GPC6: variants seen among roughly 807,000 people sequenced by gnomAD.
The protein encoded by GPC6 is glypican 6, also known as glypican-6.
GPC6 carries 14 observed loss-of-function variants against 55.2 expected under a neutral mutation model. The ratio of observed to expected loss-of-function variants is 0.25; its 90% CI spans 0.17 to 0.40. The LOEUF (loss-of-function observed/expected upper bound fraction) is 0.40. Among genes scored for constraint, GPC6 ranks in the 10% least tolerant of loss-of-function variants. The probability of loss-of-function intolerance (pLI) is 1.00; values close to 1 mark genes in which losing one functional copy is unlikely to be tolerated. For synonymous variants in GPC6, 278 were observed against 259.6 expected (o/e 1.07, Z -0.68); for missense variants, 641 against 708.5 (o/e 0.90, Z 1.08).
At chr13:94,024,253 T>G (rs1313764835) in intron 3 of GPC6, among the ~76,000 whole-genome samples, 3 of 152,084 alleles carry the variant, frequency 2.0e-5, no homozygotes, top group African/African-American at 7.2e-5. Flanking sequence ...ATGTCACTAT[T>G]GAGGCAAGTT....
chr13:94,089,514 C>T (rs1885405164), intron 4 of GPC6, among the ~76,000 whole-genome samples: 2 of 152,104 alleles, frequency 1.3e-5, no homozygotes, highest in Non-Finnish European at 2.9e-5. Context: ...TTCTGAGATA[C>T]CTGGACAAAG....
intron 4 of GPC6, among the ~76,000 whole-genome samples, chr13:94,232,696 T>G (rs1057111545): frequency 2.0e-5 from 3 of 152,258 alleles, no homozygotes; most frequent in African/African-American, 4.8e-5. Flanking sequence ...TTTTTTTAGA[T>G]TCTGTAATGG....
At chr13:93,881,952 A>T (rs1337101230) in intron 3 of GPC6, among the ~76,000 whole-genome samples, 2 of 151,972 alleles carry the variant, frequency 1.3e-5, no homozygotes, top group African/African-American at 2.4e-5. Context: ...AAATTAACCG[A>T]GGAGAGTATG....
intron 4 of GPC6, among the ~76,000 whole-genome samples, chr13:94,112,529 A>G (rs767842547): frequency 6.6e-6 from 1 of 152,178 alleles, no homozygotes; most frequent in African/African-American, 2.4e-5. Context: ...TTTGGGTCCA[A>G]GTTCCCTTTC....
intron 6 of GPC6, among the ~76,000 whole-genome samples, chr13:94,354,474 T>C (rs1413414547): frequency 6.6e-6 from 1 of 152,202 alleles, no homozygotes; most frequent in Non-Finnish European, 1.5e-5. Context: ...AGTGCTTATT[T>C]GTGTGATAGG....
Position 94,306,032 on chromosome 13 carries a change from G to A in GPC6, c.1061G>A (p.Arg354His), listed in dbSNP as rs765293019. 6.8e-6 allele frequency: 11 copies of A among 1,613,910 alleles called. No individual in the cohort carries two copies. The highest frequency in any genetic ancestry group is 5.3e-5 in the African/African-American group (4 of 74,906). ...PKPAPALRSARSAPENFNTRF... is the reference protein window; with the variant it reads ...PKPAPALRSAHSAPENFNTRF... ...CCTGCTCCAGCCCTCAGATCTGCCC[G>A]CTCAGCTCCTGAAAATTTTAATACA... Residue 354 changes from arginine (R) to histidine (H), a missense_variant, in exon 6 of 9, where the codon CGC becomes CAC. Arg to His is a conservative substitution (Grantham distance 29). Transcript: ENST00000377047.
intron 4 of GPC6, among the ~76,000 whole-genome samples, chr13:94,136,257 C>T (rs767177941): frequency 3.1e-4 from 46 of 150,640 alleles, no homozygotes; most frequent in Non-Finnish European, 5.5e-4. Flanking sequence ...ATTACTGGAC[C>T]GACTTCTGTG....
intron 4 of GPC6, among the ~76,000 whole-genome samples, chr13:94,162,674 T>A (rs1351069657): frequency 6.6e-6 from 1 of 152,166 alleles, no homozygotes; most frequent in Admixed American, 6.6e-5. Context: ...TACTTGGATG[T>A]TAGGAAACTT....
At position 94,091,908 on chromosome 13, in the gene GPC6, T is replaced by TGTGTGTG. The variant is rs1885495090; in HGVS notation, c.877+64014_877+64015insGTGTGTG. Among the ~76,000 whole-genome samples the TGTGTGTG allele has an allele frequency of 2.7e-5, 4 of 148,508 alleles. No individual in the cohort carries two copies. The East Asian group carries it at 8.0e-4, about 30-fold the overall frequency. ...GAGATCAAATTCTGTGTGTGTGTGT[T>TGTGTGTG]TGTGTGTGTGTGTGTGTGTGTGTGT... is the stretch of plus-strand genomic sequence containing the variant. On this transcript the variant is annotated intron_variant, in intron 4 of 8. Transcript: ENST00000377047.
At position 93,506,927 on chromosome 13, in the gene GPC6, G is replaced by A. The variant is rs971773922; in HGVS notation, c.161-38336G>A. 4.0e-5 allele frequency among the ~76,000 whole-genome samples: 6 copies of A among 150,868 alleles called. No homozygotes were observed. The East Asian group carries it at 5.9e-4, about 15-fold the overall frequency. ...AAAAAAAAAATTAGCCGGGCGTGGC[G>A]GCGGGCGCCTGTAGTCCCAGCTACT... On this transcript the variant is annotated intron_variant, in intron 1 of 8. Transcript: ENST00000377047.
intron 3 of GPC6, among the ~76,000 whole-genome samples, chr13:93,884,684 T>C (rs1408482828): frequency 6.6e-6 from 1 of 152,128 alleles, no homozygotes; most frequent in Admixed American, 6.6e-5. Context: ...TTTACAAATA[T>C]AGCTGGATTT....
At chr13:93,271,086 G>GCAAGCCTGGT (rs1027852836) in intron 1 of GPC6, among the ~76,000 whole-genome samples, 2 of 152,164 alleles carry the variant, frequency 1.3e-5, no homozygotes, top group African/African-American at 4.8e-5. Context: ...TGTTTGTGTT[G>GCAAGCCTGGT]CAAGCCTGGT....
Position 93,368,309 on chromosome 13 carries a change from C to T in GPC6, c.160+140693C>T, listed in dbSNP as rs374122128. ...CCTCCCTCCCTCCCTCTCTCCTTCC[C>T]TCCTTCCCTCCTTCCCTCCCTCCCT... On this transcript the variant is annotated intron_variant, in intron 1 of 8. Transcript: ENST00000377047. 7.8e-5 allele frequency among the ~76,000 whole-genome samples: 11 copies of T among 140,754 alleles called. 1 individual carries two copies. The East Asian group carries it at 1.3e-3, about 16-fold the overall frequency. The allele number at this position is 140,754 out of a possible 152,430, so 92.3% of individuals were successfully genotyped here. A position where few individuals can be genotyped will look rare whatever the true frequency, so the allele number is the denominator to read the frequency against.
intron 4 of GPC6, among the ~76,000 whole-genome samples, chr13:94,118,975 T>C (rs1286429219): frequency 1.3e-5 from 2 of 149,644 alleles, no homozygotes; most frequent in Non-Finnish European, 3.0e-5. Flanking sequence ...TTCAAATTCC[T>C]GGCCTGTATA....
At chr13:94,378,497 T>C (rs1594223187) in intron 6 of GPC6, among the ~76,000 whole-genome samples, 1 of 152,194 alleles carries the variant, frequency 6.6e-6, no homozygotes, top group African/African-American at 2.4e-5. Context: ...TAATGGTAGG[T>C]ATGAGAAGGA....
chr13:93,328,387 C>T (rs1879728104), intron 1 of GPC6, among the ~76,000 whole-genome samples: 1 of 152,108 alleles, frequency 6.6e-6, no homozygotes, highest in Non-Finnish European at 1.5e-5. Flanking sequence ...AAAAATGTCA[C>T]TCAGGGCTGG....
intron 1 of GPC6, among the ~76,000 whole-genome samples, chr13:93,296,478 C>T (rs1423881883): frequency 3.3e-5 from 5 of 152,124 alleles, no homozygotes; most frequent in Non-Finnish European, 5.9e-5. Context: ...CGTAATTACT[C>T]ACCCATGCCT....
intron 1 of GPC6, among the ~76,000 whole-genome samples, chr13:93,246,220 T>C (rs2139021846): frequency 6.6e-6 from 1 of 152,276 alleles, no homozygotes; most frequent in African/African-American, 2.4e-5. Flanking sequence ...TTGTACACAT[T>C]GAATTAAAGA....
rs1012307361 is a variant in GPC6 at position 94,261,474 on chromosome 13, T to C, written c.878-24875T>C. Among the ~76,000 whole-genome samples the C allele has an allele frequency of 9.2e-5, 14 of 152,342 alleles. 1 individual carries two copies. In the South Asian group the frequency reaches 2.1e-3, roughly 23 times the overall value. On this transcript the variant is annotated intron_variant, in intron 4 of 8. Coordinates refer to ENST00000377047, the MANE Select transcript of GPC6 (RefSeq NM_005708.5). ...GGGGACTGTCTACTAGTTGGTTACCTATAAATAAGGATTTAGTGTTTACGT... is the reference window on the plus strand; with the variant it reads ...GGGGACTGTCTACTAGTTGGTTACCCATAAATAAGGATTTAGTGTTTACGT...
Sources: allele counts gnomAD v4.1 joint callset (sites outside exome capture counted in the v4.1 genomes callset), GRCh38; gene constraint gnomAD v4.1.1; transcripts MANE v1.5; gene names NCBI Gene and HGNC (gene_info 2026-07-23, HGNC 2026-07-21).